Variants in COL9A3 observed in about 807,000 individuals in gnomAD.
COL9A3 encodes the protein collagen type IX alpha 3 chain, also known as collagen alpha-3(IX) chain.
Under a neutral mutation model 110.2 loss-of-function variants are expected in COL9A3, and 82 were observed. The ratio of observed to expected loss-of-function variants is 0.74; its 90% confidence interval spans 0.62 to 0.89. COL9A3 has a LOEUF of 0.89. Ranked by LOEUF, COL9A3 falls within the 40% of genes least tolerant of loss-of-function variation. The pLI, the probability that COL9A3 is intolerant of heterozygous loss-of-function variation, is 0.00. For synonymous variants in COL9A3, 494 were observed against 403.8 expected (o/e 1.22, Z -2.68); for missense variants, 1,066 against 981.3 (o/e 1.09, Z -1.15).
Position 62,840,570 on chromosome 20 carries a change from G to C in COL9A3, c.1893G>C (p.Lys631Asn). ...CCCAAGGCGTGCCCGGCACCAGCAA[G>C]GACGGCCAGGACGGTGCTCCCGGCG... ...QGPQGVPGTS[K>N]DGQDGAPGEP... Residue 631 changes from lysine to asparagine, a missense_variant, in exon 32 of 32, where the codon AAG becomes AAC. Coordinates refer to ENST00000649368, the MANE Select transcript of COL9A3 (RefSeq NM_001853.4). 6.2e-7 allele frequency: 1 copy of C among 1,612,570 alleles called. No homozygotes were observed. Among genetic ancestry groups the C allele is most frequent in the Non-Finnish European group, 8.5e-7 (1 of 1,179,870 alleles).
At position 62,827,389 on chromosome 20, in the gene COL9A3, G is replaced by C. The variant is rs201710243; in HGVS notation, c.846+95G>C. The C allele has an allele frequency of 2.1e-4, 278 of 1,344,518 alleles. No individual in the cohort carries two copies. In the East Asian group the frequency reaches 6.4e-3, roughly 31 times the overall value. 83.3% of individuals were successfully genotyped at this position (1,344,518 alleles called of 1,614,324 possible). On this transcript the variant is annotated intron_variant, in intron 16 of 31. Transcript: ENST00000649368. ...TGGGGAGGGGGACACACTTGGGAGT[G>C]AGACTGCAAGGGGCTGCCTGGGTGG...
Position 62,835,963 on chromosome 20 carries a change from C to T in COL9A3, c.1401+10C>T, listed in dbSNP as rs377161266. 71 of 1,614,100 alleles carry T rather than the reference C, an allele frequency of 4.4e-5. No individual in the cohort carries two copies. The highest frequency in any genetic ancestry group is 2.5e-4 in the Admixed American group (15 of 60,010). On this transcript the variant is annotated intron_variant, in intron 27 of 31. Coordinates refer to ENST00000649368, the MANE Select transcript of COL9A3 (RefSeq NM_001853.4). ...CGGACCCAAAGGAGAGGTGAGTGCC[C>T]GGCGACTGTTCCGATGACACCATCC... is the stretch of plus-strand genomic sequence containing the variant.
chr20:62,818,488 A>C, intron 2 of COL9A3, 30 bp from the exon 3 acceptor site: 1 of 1,610,968 alleles, frequency 6.2e-7, no homozygotes, highest in Non-Finnish European at 8.5e-7. Flanking sequence ...CCTGATTTTC[A>C]GGGTTACATG....
intron 5 of COL9A3, among the ~76,000 whole-genome samples, chr20:62,820,912 G>A (rs568041664): frequency 1.3e-5 from 2 of 152,226 alleles, no homozygotes; most frequent in South Asian, 4.1e-4. Flanking sequence ...CAGGCACCCC[G>A]GGTCACTTCG....
Position 62,817,054 on chromosome 20 carries a change from T to G in COL9A3, c.-11T>G. 1 of 1,328,042 alleles carries G rather than the reference T, an allele frequency of 7.5e-7. No individual in the cohort carries two copies. Among genetic ancestry groups the G allele is most frequent in the Non-Finnish European group, 9.7e-7 (1 of 1,032,704 alleles). 82.3% of individuals were successfully genotyped at this position (1,328,042 alleles called of 1,614,324 possible). A position where few individuals can be genotyped will look rare whatever the true frequency, so the allele number is the denominator to read the frequency against. ...CCCGCCCCGACGCCGCAGCTCAGAC[T>G]CCGCTCAGCCATGGCCGGGCCGCGC... On this transcript the variant is annotated 5_prime_UTR_variant, in exon 1 of 32. Coordinates refer to ENST00000649368, the MANE Select transcript of COL9A3 (RefSeq NM_001853.4).
In COL9A3 at chr20:62,836,275, C is replaced by G. The variant is rs777038224; in HGVS notation, c.1490C>G (p.Pro497Arg). 1 of 1,613,934 alleles carries G rather than the reference C, an allele frequency of 6.2e-7. No homozygotes were observed. Among genetic ancestry groups the G allele is most frequent in the Non-Finnish European group, 8.5e-7 (1 of 1,180,008 alleles). ...CAGGGTGTCCCCGGGCCCCCCGGTC[C>G]TCTGGGCCTGCAGGGCGTCCCGGGT... ...GVQGVPGPPG[P>R]LGLQGVPGVP... The change falls in exon 28 of 32, where the codon CCT becomes CGT. Residue 497 changes from proline (P) to arginine (R), a missense_variant. Coordinates refer to ENST00000649368, the MANE Select transcript of COL9A3 (RefSeq NM_001853.4).
chr20:62,836,737 C>G, intron 29 of COL9A3: 1 of 643,910 alleles, frequency 1.6e-6, no homozygotes, highest in Non-Finnish European at 2.7e-6. Flanking sequence ...ACGCTCCCGC[C>G]CCGGATTCAA....
intron 30 of COL9A3, among the ~76,000 whole-genome samples, chr20:62,837,633 C>G (rs952669932): frequency 6.6e-6 from 1 of 151,448 alleles, no homozygotes; most frequent in Non-Finnish European, 1.5e-5. Context: ...ATGGTGAAAC[C>G]CTGTCTCTAC....
intron 29 of COL9A3, chr20:62,836,873 C>A: frequency 2.7e-6 from 2 of 735,538 alleles, no homozygotes; most frequent in Non-Finnish European, 2.3e-6. Context: ...CTTCCTTCAC[C>A]TTCCCACTCA....
chr20:62,835,865 C>T, intron 26 of COL9A3, 56 bp from the exon 27 acceptor site: 1 of 1,597,178 alleles, frequency 6.3e-7, no homozygotes. Context: ...CAACTGGCTA[C>T]TTCCCACCCA....
chr20:62,831,892 C>T (rs1275349804), intron 24 of COL9A3: 3 of 556,760 alleles, frequency 5.4e-6, no homozygotes, highest in African/African-American at 3.8e-5. Flanking sequence ...AACACCCGCA[C>T]GAATTCACGG....
intron 9 of COL9A3, among the ~76,000 whole-genome samples, 169 bp from the exon 10 acceptor site, chr20:62,822,422 G>C (rs1171636476): frequency 6.6e-6 from 1 of 151,976 alleles, no homozygotes; most frequent in Non-Finnish European, 1.5e-5. Context: ...TGCCCTGTGG[G>C]TGGGCCAGCA....
chr20:62,835,191 T>A (rs1408422391), intron 26 of COL9A3, among the ~76,000 whole-genome samples: 1 of 152,248 alleles, frequency 6.6e-6, no homozygotes, highest in Non-Finnish European at 1.5e-5. Flanking sequence ...GTCTGTATTC[T>A]GCAGCTGTAA....
Position 62,829,038 on chromosome 20 carries a change from A to G in COL9A3, c.1008+62A>G, listed in dbSNP as rs73157305. Reference sequence around the variant, plus strand: ...ACAGCTTCTGCCTGCTCAGTGGCCCATGTTGGGCTGGGTGGGTTGGTCACT... The same window carrying G: ...ACAGCTTCTGCCTGCTCAGTGGCCCGTGTTGGGCTGGGTGGGTTGGTCACT... On this transcript the variant is annotated intron_variant, in intron 19 of 31. Coordinates refer to ENST00000649368, the MANE Select transcript of COL9A3 (RefSeq NM_001853.4). The G allele has an allele frequency of 0.2, 301,192 of 1,528,638 alleles. 30,547 individuals are homozygous for G. The highest frequency in any genetic ancestry group is 0.29 in the African/African-American group (21,148 of 72,906). 94.7% of individuals were successfully genotyped at this position (1,528,638 alleles called of 1,614,324 possible).
Position 62,817,585 on chromosome 20 carries a change from C to A in COL9A3, c.97C>A (p.Pro33Thr), listed in dbSNP as rs745914662. ...GTTTCAGAGAGTGGGACTCCCCGGC[C>A]CCCCCGGCCCCCCAGGGCCGCCCGG... ...AGAQRVGLPGPPGPPGPPGKP... is the reference protein window; with the variant it reads ...AGAQRVGLPGTPGPPGPPGKP... The change falls in exon 2 of 32, where the codon CCC becomes ACC. Residue 33 changes from proline (P) to threonine (T), a missense_variant. Coordinates refer to ENST00000649368, the MANE Select transcript of COL9A3 (RefSeq NM_001853.4). 2.1e-5 allele frequency: 33 copies of A among 1,540,520 alleles called. No homozygotes were observed. Among genetic ancestry groups the A allele is most frequent in the Middle Eastern group, 1.7e-4 (1 of 5,740 alleles).
intron 16 of COL9A3, 120 bp from the exon 17 acceptor site, chr20:62,827,803 G>T: frequency 2.0e-6 from 2 of 1,021,844 alleles, no homozygotes; most frequent in African/African-American, 1.6e-5. Context: ...GTGGTGGTCG[G>T]GGGTGGCCCC....
intron 30 of COL9A3, among the ~76,000 whole-genome samples, chr20:62,837,586 A>G (rs1327168595): frequency 1.3e-5 from 2 of 152,128 alleles, no homozygotes; most frequent in African/African-American, 4.8e-5. Flanking sequence ...AGGTGGGCAG[A>G]TCACGAGGTC....
At chr20:62,826,948 T>A in intron 15 of COL9A3, 128 bp downstream of exon 15, 4 of 1,034,746 alleles carry the variant, frequency 3.9e-6, no homozygotes, top group Non-Finnish European at 5.8e-6. Flanking sequence ...CTGGACACCC[T>A]GGGAGGGCTT....
In COL9A3 at chr20:62,825,814, C is replaced by A; in HGVS notation, c.631-3C>A. On this transcript the variant is annotated splice_region_variant and splice_polypyrimidine_tract_variant and intron_variant, in intron 12 of 31. Coordinates refer to ENST00000649368, the MANE Select transcript of COL9A3 (RefSeq NM_001853.4). The stretch of plus-strand genomic sequence containing the variant: ...GCTGACCACCCTATCCCCTCTGTTT[C>A]AGGGTGACCCTGGCCCCCCTGGGCC... 6.4e-7 allele frequency: 1 copy of A among 1,553,292 alleles called. No individual in the cohort carries two copies. The highest frequency in any genetic ancestry group is 1.4e-5 in the African/African-American group (1 of 73,468).
Sources: allele counts gnomAD v4.1 joint callset (sites outside exome capture counted in the v4.1 genomes callset), GRCh38; gene constraint gnomAD v4.1.1; transcripts MANE v1.5; gene names NCBI Gene and HGNC (gene_info 2026-07-23, HGNC 2026-07-21).